CPVL: variants seen among roughly 807,000 people sequenced by gnomAD.
CPVL encodes the protein carboxypeptidase vitellogenic like.
In CPVL, 51 loss-of-function variants were observed where a neutral mutation model predicts 63.7. That is an observed-to-expected ratio of 0.80 (90% CI 0.64 to 1.01). The LOEUF (loss-of-function observed/expected upper bound fraction) is 1.01, where lower values mean the gene tolerates loss of function less well. CPVL is among the 50% of genes least tolerant of loss of function. The probability of loss-of-function intolerance (pLI) is 0.00; values close to 1 mark genes in which losing one functional copy is unlikely to be tolerated. For synonymous variants in CPVL, 195 were observed against 206.0 expected, an observed-to-expected ratio of 0.95 and a Z score of 0.46; for missense variants, 530 against 573.1, an observed-to-expected ratio of 0.92 and a Z score of 0.77.
At chr7:29,168,918 C>A (rs553131847) in intron 5 of CPVL, among the ~76,000 whole-genome samples, 1 of 152,040 alleles carries the variant, frequency 6.6e-6, no homozygotes, top group Non-Finnish European at 1.5e-5. Context: ...TATTTCTATT[C>A]GCCATGTTTT....
intron 1 of CPVL, among the ~76,000 whole-genome samples, chr7:29,189,232 G>A (rs1316677928): frequency 6.6e-6 from 1 of 152,122 alleles, no homozygotes; most frequent in Non-Finnish European, 1.5e-5. Context: ...GATTACAGGT[G>A]TGAGCCACCG....
intron 5 of CPVL, among the ~76,000 whole-genome samples, chr7:29,171,514 T>A (rs1404479828): frequency 6.6e-6 from 1 of 152,164 alleles, no homozygotes; most frequent in Non-Finnish European, 1.5e-5. Flanking sequence ...TCCTCCTCAA[T>A]TCAGCCCCGA....
intron 11 of CPVL, among the ~76,000 whole-genome samples, chr7:29,043,803 A>G (rs578045706): frequency 4.3e-4 from 65 of 152,322 alleles, no homozygotes; most frequent in African/African-American, 1.5e-3. Context: ...AGCCCTAGGA[A>G]GAGCCCAGAA....
chr7:29,020,030 A>G (rs1159930674), intron 12 of CPVL, among the ~76,000 whole-genome samples: 1 of 152,178 alleles, frequency 6.6e-6, no homozygotes, highest in Non-Finnish European at 1.5e-5. Context: ...GTTGAGTGTG[A>G]TATTTGCCAC....
chr7:29,183,955 C>T (rs889659045), intron 4 of CPVL, among the ~76,000 whole-genome samples: 1 of 151,996 alleles, frequency 6.6e-6, no homozygotes, highest in African/African-American at 2.4e-5. Context: ...ATAGCATTTA[C>T]ATAGTATAGG....
chr7:29,181,448 T>C (rs945803540), intron 4 of CPVL: 35 of 152,258 alleles, frequency 2.3e-4, no homozygotes, highest in African/African-American at 7.7e-4. Flanking sequence ...TATAGATTTA[T>C]GTGTAAGGAA....
intron 11 of CPVL, among the ~76,000 whole-genome samples, chr7:29,041,034 T>C (rs564357693): frequency 6.6e-6 from 1 of 152,228 alleles, no homozygotes; most frequent in South Asian, 2.1e-4. Flanking sequence ...GTCAGTCCTT[T>C]ACTCTGCTTC....
intron 6 of CPVL, among the ~76,000 whole-genome samples, chr7:29,091,675 A>C (rs546446268): frequency 7.0e-6 from 1 of 142,050 alleles, no homozygotes; most frequent in East Asian, 1.9e-4. Flanking sequence ...AACATGTGAA[A>C]AACAAACAAA....
At chr7:29,061,952 A>G (rs1211976543) in intron 11 of CPVL, among the ~76,000 whole-genome samples, 1 of 151,932 alleles carries the variant, frequency 6.6e-6, no homozygotes, top group Non-Finnish European at 1.5e-5. Context: ...TCAAAAAAAA[A>G]AAAAAAAAGT....
intron 5 of CPVL, among the ~76,000 whole-genome samples, chr7:29,160,461 C>T (rs1795027104): frequency 1.3e-5 from 2 of 152,124 alleles, no homozygotes. Context: ...ATGTTTGACC[C>T]TAGTCAGTCA....
chr7:29,166,954 T>C (rs775072832), intron 5 of CPVL, among the ~76,000 whole-genome samples: 1 of 152,140 alleles, frequency 6.6e-6, no homozygotes, highest in Non-Finnish European at 1.5e-5. Context: ...ATTGACTGAT[T>C]TTTCTCCACA....
At chr7:29,086,806 A>AG (rs1785247534) in intron 6 of CPVL, among the ~76,000 whole-genome samples, 1 of 152,214 alleles carries the variant, frequency 6.6e-6, no homozygotes, top group Non-Finnish European at 1.5e-5. Flanking sequence ...AGTTTGGATC[A>AG]TCTAACTGTT....
At chr7:29,072,646 CA>C (rs1444612165) in intron 7 of CPVL, among the ~76,000 whole-genome samples, 1 of 152,000 alleles carries the variant, frequency 6.6e-6, no homozygotes, top group South Asian at 2.1e-4. Flanking sequence ...GTTCGATGCA[CA>C]AAAAATCACA....
At chr7:29,024,672 G>A (rs901906515) in intron 12 of CPVL, among the ~76,000 whole-genome samples, 7 of 152,164 alleles carry the variant, frequency 4.6e-5, no homozygotes, top group Non-Finnish European at 8.8e-5. Flanking sequence ...TATAAGCCAC[G>A]AGAAAATGAG....
At chr7:29,063,071 T>TC (rs1383302524) in intron 11 of CPVL, among the ~76,000 whole-genome samples, 1 of 152,008 alleles carries the variant, frequency 6.6e-6, no homozygotes, top group Non-Finnish European at 1.5e-5. Context: ...AGGCTGACTT[T>TC]CCCCATGTCA....
At chr7:29,026,624 A>G (rs1375751594) in intron 12 of CPVL, among the ~76,000 whole-genome samples, 1 of 151,994 alleles carries the variant, frequency 6.6e-6, no homozygotes, top group Non-Finnish European at 1.5e-5. Context: ...AAGAGAGAAA[A>G]CCCAAATAAA....
chr7:29,135,048 G>A lies in CPVL; in HGVS notation c.-11+11381C>T, dbSNP rs1386429004. Among the ~76,000 whole-genome samples, 27 of 149,956 alleles carry A rather than the reference G, an allele frequency of 1.8e-4. No homozygotes were observed. In the Admixed American group the frequency reaches 1.8e-3, roughly 10 times the overall value. On this transcript the variant is annotated intron_variant, in intron 1 of 12. Coordinates refer to ENST00000265394, the MANE Select transcript of CPVL (RefSeq NM_031311.5). ...GGCCCCAGGAGGTCAAGGCTCCAGT[G>A]AGCCATGATCGCACCACTGCACTCC...
In CPVL at chr7:29,116,953, C is replaced by T. The variant is rs545199229; in HGVS notation, c.169+3940G>A. Among the ~76,000 whole-genome samples, 27 of 152,202 alleles carry T rather than the reference C, an allele frequency of 1.8e-4. 1 individual carries two copies. Among genetic ancestry groups the T allele is most frequent in the African/African-American group, 6.3e-4 (26 of 41,522 alleles). ...CACGTTCCTAGGGTTTTGACAGACTCGATAAACAAAAGGGATTTAGGGGAG... is the reference window on the plus strand; with the variant it reads ...CACGTTCCTAGGGTTTTGACAGACTTGATAAACAAAAGGGATTTAGGGGAG... On this transcript the variant is annotated intron_variant, in intron 2 of 12. Coordinates refer to ENST00000265394, the MANE Select transcript of CPVL (RefSeq NM_031311.5).
chr7:29,180,454 G>T (rs1369560921), intron 5 of CPVL, among the ~76,000 whole-genome samples: 1 of 152,044 alleles, frequency 6.6e-6, no homozygotes, highest in East Asian at 1.9e-4. Flanking sequence ...TTGAACCTAG[G>T]AGGCGGAGGT....
Sources: allele counts gnomAD v4.1 joint callset (sites outside exome capture counted in the v4.1 genomes callset), GRCh38; gene constraint gnomAD v4.1.1; transcripts MANE v1.5; gene names NCBI Gene and HGNC (gene_info 2026-07-23, HGNC 2026-07-21).